Variants in DENND4B observed in about 807,000 individuals in gnomAD.
DENND4B encodes the protein DENN domain-containing protein 4B.
DENND4B carries 67 observed loss-of-function variants against 161.0 expected under a neutral mutation model. That is an observed-to-expected ratio of 0.42 (90% CI 0.34 to 0.51). The LOEUF (loss-of-function observed/expected upper bound fraction) is 0.51, where lower values mean the gene tolerates loss of function less well. DENND4B is among the 20% of genes least tolerant of loss of function. The pLI, the probability that DENND4B is intolerant of heterozygous loss-of-function variation, is 0.08. For synonymous variants in DENND4B, 753 were observed against 813.8 expected, an observed-to-expected ratio of 0.93 and a Z score of 1.27; for missense variants, 1,481 against 1,968.0, an observed-to-expected ratio of 0.75 and a Z score of 4.68.
At chr1:153,943,221 C>G in intron 2 of DENND4B, 91 bp from the exon 3 acceptor site, 2 of 1,518,308 alleles carry the variant, frequency 1.3e-6, no homozygotes, top group South Asian at 1.3e-5. Flanking sequence ...ATCCCCTGAA[C>G]TTGCCTTGTA....
At position 153,940,781 on chromosome 1, in the gene DENND4B, T is replaced by C. The variant is rs1679619833; in HGVS notation, c.1326+123A>G. On this transcript the variant is annotated intron_variant, in intron 9 of 27. Transcript: ENST00000361217. The surrounding 1 kb of genome is among the most constrained non-coding windows in gnomAD (Gnocchi z 5.6). ...GGAAGCTATGTGTTCCTGCAGGCTG[T>C]GCCCAGGGAAAGGGGCTGAGGATCC... 3.7e-5 allele frequency: 54 copies of C among 1,454,206 alleles called. No homozygotes were observed. Among genetic ancestry groups the C allele is most frequent in the Non-Finnish European group, 4.5e-5 (49 of 1,096,506 alleles). 90.1% of individuals were successfully genotyped at this position (1,454,206 alleles called of 1,614,324 possible).
At position 153,936,780 on chromosome 1, in the gene DENND4B, T is replaced by G; in HGVS notation, c.2233-32A>C. 6.7e-7 allele frequency: 1 copy of G among 1,490,778 alleles called. No individual in the cohort carries two copies. Among genetic ancestry groups the G allele is most frequent in the Non-Finnish European group, 9.0e-7 (1 of 1,115,890 alleles). The allele number at this position is 1,490,778 out of a possible 1,614,324, so 92.3% of individuals were successfully genotyped here. A position where few individuals can be genotyped will look rare whatever the true frequency, so the allele number is the denominator to read the frequency against. ...AGGACAGGGGACACATCAGGGTGAG[T>G]ACAATGCCAGGTCTTTCTTACTTAT... On this transcript the variant is annotated intron_variant, in intron 15 of 27. Transcript: ENST00000361217. The surrounding 1 kb of genome is among the most constrained non-coding windows in gnomAD (Gnocchi z 4.1).
chr1:153,946,651 GGCCGCGGGCGCC>G lies in DENND4B; in HGVS notation c.-386_-375del. ...CTCTACTCCCCCAACCCCCGCTCCGGGCCGCGGGCGCCGCCGCTACCCCCACCCCTCCTCCTC... is the reference window on the plus strand; with the variant it reads ...CTCTACTCCCCCAACCCCCGCTCCGGGCCGCTACCCCCACCCCTCCTCCTC... On this transcript the variant is annotated 5_prime_UTR_variant, in exon 1 of 28. Coordinates refer to ENST00000361217, the MANE Select transcript of DENND4B (RefSeq NM_014856.3). The surrounding 1 kb of genome is among the most constrained non-coding windows in gnomAD (Gnocchi z 6.3). 1 of 382,386 alleles carries G rather than the reference GGCCGCGGGCGCC, an allele frequency of 2.6e-6. No homozygotes were observed. The highest frequency in any genetic ancestry group is 4.6e-6 in the Non-Finnish European group (1 of 215,758). 23.7% of individuals were successfully genotyped at this position (382,386 alleles called of 1,614,324 possible). A position where few individuals can be genotyped will look rare whatever the true frequency, so the allele number is the denominator to read the frequency against.
rs1442615581 is a variant in DENND4B, at chr1:153,944,216, G to A, written c.159C>T (p.Ile53=). ...GCACTTCCTCGCCCAGTGCCCTAGC[G>A]ATGACTGCCACATCTGTGATGGGCT... ...PAEPITDVAV[I]ARALGEEVPQ... is the part of the protein sequence containing the mutation. Residue 53 remains isoleucine, a synonymous_variant, in exon 2 of 28, where the codon ATC becomes ATT. Transcript: ENST00000361217. This position sits in a 1 kb window ranked among gnomAD's most constrained non-coding sequence, Gnocchi z 4.8. 1 of 1,608,308 alleles carries A rather than the reference G, an allele frequency of 6.2e-7. No individual in the cohort carries two copies. Among genetic ancestry groups the A allele is most frequent in the Non-Finnish European group, 8.5e-7 (1 of 1,177,236 alleles).
Position 153,930,508 on chromosome 1 carries a change from A to T in DENND4B, c.4345+31T>A, listed in dbSNP as rs1464470534. On this transcript the variant is annotated intron_variant, in intron 27 of 27. Transcript: ENST00000361217. The surrounding 1 kb of genome is among the most constrained non-coding windows in gnomAD (Gnocchi z 4.7). The stretch of plus-strand genomic sequence containing the variant: ...CTCCCACACCTGGCCCCAGATCCCT[A>T]AACTCCTCAGCCCCTTGCCTGCAAT... The T allele has an allele frequency of 6.2e-7, 1 of 1,614,018 alleles. No individual in the cohort carries two copies. The highest frequency in any genetic ancestry group is 8.5e-7 in the Non-Finnish European group (1 of 1,179,878).
chr1:153,944,323 G>A lies in DENND4B; in HGVS notation c.52C>T (p.Leu18Phe), dbSNP rs1054178025. 6.2e-7 allele frequency: 1 copy of A among 1,608,880 alleles called. No individual in the cohort carries two copies. Among genetic ancestry groups the A allele is most frequent in the Non-Finnish European group, 8.5e-7 (1 of 1,177,688 alleles). ...RLVDYFVVAG[L>F]AGNGAPIPEE... The stretch of plus-strand genomic sequence containing the variant: ...GGGATGGGTGCTCCGTTCCCTGCAA[G>A]CCCAGCTACCACGAAGTAATCCACC... Residue 18 changes from leucine to phenylalanine, a missense_variant, in exon 2 of 28, where the codon CTT becomes TTT. Coordinates refer to ENST00000361217, the MANE Select transcript of DENND4B (RefSeq NM_014856.3). This position sits in a 1 kb window ranked among gnomAD's most constrained non-coding sequence, Gnocchi z 4.8.
Position 153,934,828 on chromosome 1 carries a change from T to C in DENND4B, c.2705A>G (p.Gln902Arg), listed in dbSNP as rs1679232338. ...CTGCTGCTGCTGCTGCTGCTGCTGC[T>C]GTTGCTGCTGCTGCTGCTGTTGCCG... The part of the protein sequence containing the change: ...RERQQQQQQQ[Q>R]QQQQQQQQEQ... The change falls in exon 18 of 28, where the codon CAG (glutamine) becomes CGG (arginine). Residue 902 changes from glutamine to arginine, a missense_variant. Around this residue, in one of 3 missense-constraint regions of DENND4B, gnomAD observed 339 missense variants for 330.3 expected, o/e 1.03. Transcript: ENST00000361217. The surrounding 1 kb of genome is among the most constrained non-coding windows in gnomAD (Gnocchi z 5.3). 1.5e-6 allele frequency: 2 copies of C among 1,353,094 alleles called. No individual in the cohort carries two copies. The highest frequency in any genetic ancestry group is 2.0e-6 in the Non-Finnish European group (2 of 979,032). 83.8% of individuals were successfully genotyped at this position (1,353,094 alleles called of 1,614,324 possible).
chr1:153,931,490 CTCTT>C (rs1315791562), intron 24 of DENND4B, among the ~76,000 whole-genome samples: 7 of 151,030 alleles, frequency 4.6e-5, no homozygotes, highest in Admixed American at 3.3e-4. Context: ...AAAGTCTATG[CTCTT>C]TCTTTTTTTT....
chr1:153,931,101 A>G, intron 24 of DENND4B, 37 bp from the exon 25 acceptor site: 1 of 1,530,888 alleles, frequency 6.5e-7, no homozygotes, highest in Middle Eastern at 1.7e-4. Context: ...GTTAGGCTCA[A>G]CGAATGGGAG....
At chr1:153,939,480 G>T in intron 12 of DENND4B, 109 bp downstream of exon 12, 1 of 1,244,192 alleles carries the variant, frequency 8.0e-7, no homozygotes, top group Non-Finnish European at 1.1e-6. Flanking sequence ...GCCTAGTGAA[G>T]GAATAAACAA....
chr1:153,944,404 T>C lies in DENND4B; in HGVS notation c.-23-7A>G. ...CCCCCCTCACTCACTGCATCTGGAA[T>C]GGTCAAGTGGGAGAGAGATGAAGCA... On this transcript the variant is annotated splice_polypyrimidine_tract_variant and splice_region_variant and intron_variant, in intron 1 of 27. Transcript: ENST00000361217. The surrounding 1 kb of genome is among the most constrained non-coding windows in gnomAD (Gnocchi z 4.8). 1 of 1,575,760 alleles carries C rather than the reference T, an allele frequency of 6.3e-7. No homozygotes were observed. Among genetic ancestry groups the C allele is most frequent in the Non-Finnish European group, 8.6e-7 (1 of 1,161,368 alleles).
intron 6 of DENND4B, 74 bp downstream of exon 6, chr1:153,941,775 GCCCTCCCCCCACCCACATCT>G: frequency 1.2e-5 from 16 of 1,338,120 alleles, no homozygotes; most frequent in East Asian, 2.6e-5. Context: ...CCTGTGCCCA[GCCCTCCCCCCACCCACATCT>G]GAATCTCTCC....
At position 153,933,498 on chromosome 1, in the gene DENND4B, T is replaced by C. The variant is rs1293453121; in HGVS notation, c.3315A>G (p.Gly1105=). The change falls in exon 20 of 28, where the codon GGA becomes GGG. Residue 1105 remains glycine, a synonymous_variant. Transcript: ENST00000361217. The surrounding 1 kb of genome is among the most constrained non-coding windows in gnomAD (Gnocchi z 5.7). ...DSLLHPRERP[G]STASESSASL... is the part of the protein sequence containing the mutation. ...CACTGGCTACCTCGGAGGCAGTGGA[T>C]CCAGGGCGCTCCCGGGGGTGCAGAA... The C allele has an allele frequency of 1.0e-5, 16 of 1,555,252 alleles. No homozygotes were observed. The highest frequency in any genetic ancestry group is 1.3e-5 in the Non-Finnish European group (15 of 1,150,996).
Position 153,938,956 on chromosome 1 carries a change from A to G in DENND4B, c.1909T>C (p.Ser637Pro), listed in dbSNP as rs1679513402. The G allele has an allele frequency of 6.2e-7, 1 of 1,609,262 alleles. No individual in the cohort carries two copies. Among genetic ancestry groups the G allele is most frequent in the African/African-American group, 1.3e-5 (1 of 74,852 alleles). ...QMFSQFIEEC[S>P]FGSARHAALE... ...GCAGCATGGCGAGCAGAGCCAAAAG[A>G]GCACTCCTCAATGAACTGTGAGAAC... The change falls in exon 13 of 28, where the codon TCT becomes CCT. Residue 637 changes from serine to proline, a missense_variant. Around this residue, in one of 3 missense-constraint regions of DENND4B, gnomAD observed 806 missense variants for 1,134.4 expected, o/e 0.71. Transcript: ENST00000361217.
rs1238752418 is a variant in DENND4B at position 153,942,994 on chromosome 1, C to G, written c.454G>C (p.Glu152Gln). The G allele has an allele frequency of 1.2e-6, 2 of 1,613,906 alleles. No individual in the cohort carries two copies. The highest frequency in any genetic ancestry group is 2.7e-5 in the African/African-American group (2 of 74,952). The change falls in exon 3 of 28, where the codon GAG becomes CAG. Residue 152 changes from glutamate (E) to glutamine (Q), a missense_variant. Glu to Gln is a conservative substitution (Grantham distance 29, BLOSUM62 2). Around this residue, in one of 3 missense-constraint regions of DENND4B, gnomAD observed 806 missense variants for 1,134.4 expected, o/e 0.71. Transcript: ENST00000361217. The surrounding 1 kb of genome is among the most constrained non-coding windows in gnomAD (Gnocchi z 6.9). ...RTYLTYRRAA[E>Q]GAGLHALGIT... ...CCCAGGGCATGCAGCCCTGCCCCCT[C>G]TGCTGCCCGCCGGTAAGTGAGGTAG...
Position 153,942,418 on chromosome 1 carries a change from A to G in DENND4B, c.641-62T>C. Reference sequence around the variant, plus strand: ...GCAGGGTCCATCAGACTCCAAGGGAAATGAACCAAGGGATCCCAGAGAAGG... The same window carrying G: ...GCAGGGTCCATCAGACTCCAAGGGAGATGAACCAAGGGATCCCAGAGAAGG... On this transcript the variant is annotated intron_variant, in intron 4 of 27. Transcript: ENST00000361217. The surrounding 1 kb of genome is among the most constrained non-coding windows in gnomAD (Gnocchi z 6.9). The G allele has an allele frequency of 6.3e-7, 1 of 1,587,798 alleles. No individual in the cohort carries two copies. The highest frequency in any genetic ancestry group is 8.6e-7 in the Non-Finnish European group (1 of 1,166,922).
rs371568858 is a variant in DENND4B at position 153,932,190 on chromosome 1, A to C, written c.3996+14T>G. ...GAGGCACTTAGGAAACAGGGGCCAC[A>C]TGGGGGCACTGACCTGGGAGTGCGA... is the stretch of plus-strand genomic sequence containing the variant. On this transcript the variant is annotated intron_variant, in intron 24 of 27. Transcript: ENST00000361217. This position sits in a 1 kb window ranked among gnomAD's most constrained non-coding sequence, Gnocchi z 5.8. 15 of 1,609,100 alleles carry C rather than the reference A, an allele frequency of 9.3e-6. No individual in the cohort carries two copies. The highest frequency in any genetic ancestry group is 1.3e-5 in the African/African-American group (1 of 74,844).
In DENND4B at chr1:153,942,141, C is replaced by T; in HGVS notation, c.811-28G>A. Reference sequence around the variant, plus strand: ...GGCAGGGGGCAGAAGGGTAGTCAGGCAGGCCCTGCATAGCCTGGACCCCTT... The same window carrying T: ...GGCAGGGGGCAGAAGGGTAGTCAGGTAGGCCCTGCATAGCCTGGACCCCTT... On this transcript the variant is annotated intron_variant, in intron 5 of 27. Coordinates refer to ENST00000361217, the MANE Select transcript of DENND4B (RefSeq NM_014856.3). The surrounding 1 kb of genome is among the most constrained non-coding windows in gnomAD (Gnocchi z 6.9). The T allele has an allele frequency of 6.2e-7, 1 of 1,613,950 alleles. No homozygotes were observed. The highest frequency in any genetic ancestry group is 1.6e-4 in the Middle Eastern group (1 of 6,062).
chr1:153,931,185 G>A, intron 24 of DENND4B, 121 bp from the exon 25 acceptor site: 1 of 771,622 alleles, frequency 1.3e-6, no homozygotes, highest in Non-Finnish European at 2.1e-6. Flanking sequence ...AAGAGAAGTG[G>A]GAAAGGAATT....
Sources: gnomAD v4.1 joint callset for allele counts (sites outside exome capture counted in the v4.1 genomes callset) on GRCh38, gnomAD v4.1.1 for gene constraint, gnomAD v4.1.1 regional missense constraint, Gnocchi (gnomAD v3.1) non-coding constraint, MANE v1.5 for transcripts, NCBI Gene and HGNC (gene_info 2026-07-23, HGNC 2026-07-21) for gene names.